Variants in ARHGEF37 observed in about 807,000 individuals in gnomAD.
The protein encoded by ARHGEF37 is Rho guanine nucleotide exchange factor (GEF) 37.
Under a neutral mutation model 71.1 loss-of-function variants are expected in ARHGEF37, and 55 were observed. That is an observed-to-expected ratio of 0.77 (90% CI 0.62 to 0.97). The LOEUF (loss-of-function observed/expected upper bound fraction) is 0.97. Among genes scored for constraint, ARHGEF37 ranks in the 50% least tolerant of loss-of-function variants. ARHGEF37 has a pLI of 0.00. For missense variants in ARHGEF37, 765 were observed against 836.8 expected (o/e 0.91, Z 1.06); for synonymous variants, 327 against 350.6 (o/e 0.93, Z 0.75).
chr5:149,582,803 A>T (rs924923985), intron 1 of ARHGEF37, among the ~76,000 whole-genome samples: 2 of 149,546 alleles, frequency 1.3e-5, no homozygotes, highest in African/African-American at 2.5e-5. Context: ...TTAATTAATT[A>T]AAAAAAAAAG....
intron 3 of ARHGEF37, among the ~76,000 whole-genome samples, chr5:149,601,501 A>T (rs1458641134): frequency 6.6e-6 from 1 of 152,226 alleles, no homozygotes; most frequent in Admixed American, 6.5e-5. Context: ...CTAAATCTTT[A>T]GTCTGTGTCT....
intron 11 of ARHGEF37, among the ~76,000 whole-genome samples, chr5:149,628,208 G>C (rs958235544): frequency 6.6e-6 from 1 of 152,202 alleles, no homozygotes; most frequent in African/African-American, 2.4e-5. Flanking sequence ...GGAAGTCATG[G>C]AGCCAGTCTG....
intron 1 of ARHGEF37, among the ~76,000 whole-genome samples, chr5:149,574,391 G>A (rs1240940673): frequency 6.6e-6 from 1 of 152,176 alleles, no homozygotes; most frequent in Non-Finnish European, 1.5e-5. Flanking sequence ...CACAGAAGCT[G>A]GAGGATATTG....
At position 149,601,144 on chromosome 5, in the gene ARHGEF37, A is replaced by G. The variant is rs777101924; in HGVS notation, c.223A>G (p.Ile75Val). Reference sequence around the variant, plus strand: ...AGATCTGGATGTCCTGTTCTCAAACATTGATGATATCATCAAAGTGAACAG... The same window carrying G: ...AGATCTGGATGTCCTGTTCTCAAACGTTGATGATATCATCAAAGTGAACAG... ...QGDLDVLFSN[I>V]DDIIKVNSRF... The change falls in exon 3 of 13, where the codon ATT becomes GTT. Residue 75 changes from isoleucine to valine, a missense_variant. Coordinates refer to ENST00000333677, the MANE Select transcript of ARHGEF37 (RefSeq NM_001001669.3). 6.2e-6 allele frequency: 10 copies of G among 1,612,898 alleles called. No homozygotes were observed. The highest frequency in any genetic ancestry group is 2.7e-5 in the African/African-American group (2 of 74,888).
intron 1 of ARHGEF37, among the ~76,000 whole-genome samples, chr5:149,566,261 C>T (rs1762897579): frequency 6.6e-6 from 1 of 151,906 alleles, no homozygotes; most frequent in Admixed American, 6.6e-5. Context: ...CTTTGGGAGG[C>T]TGAGGTGGGT....
chr5:149,557,177 C>G (rs914399127), intron 1 of ARHGEF37, among the ~76,000 whole-genome samples: 5 of 152,102 alleles, frequency 3.3e-5, no homozygotes, highest in Admixed American at 3.3e-4. Flanking sequence ...ATAGGGACTT[C>G]GAACAGAAGC....
At position 149,565,829 on chromosome 5, in the gene ARHGEF37, A is replaced by ATTTTTTTTTTTTTTTTTTTTTTTTT. The variant is rs201683478; in HGVS notation, c.-12+13717_-12+13741dup. On this transcript the variant is annotated intron_variant, in intron 1 of 2. Coordinates refer to the ARHGEF37 transcript ENST00000505810. Reference sequence around the variant, plus strand: ...TAGCTTTGTAATGTCAGAAACTCTAATTTTTTTTTTTTTTTTTTTTTTTTT... The same window carrying ATTTTTTTTTTTTTTTTTTTTTTTTT: ...TAGCTTTGTAATGTCAGAAACTCTAATTTTTTTTTTTTTTTTTTTTTTTTTTTTTTTTTTTTTTTTTTTTTTTTTT... Among the ~76,000 whole-genome samples, 7 of 84,580 alleles carry ATTTTTTTTTTTTTTTTTTTTTTTTT rather than the reference A, an allele frequency of 8.3e-5. 2 individuals are homozygous for ATTTTTTTTTTTTTTTTTTTTTTTTT. Among genetic ancestry groups the ATTTTTTTTTTTTTTTTTTTTTTTTT allele is most frequent in the South Asian group, 5.8e-4 (1 of 1,724 alleles). 55.5% of individuals were successfully genotyped at this position (84,580 alleles called of 152,430 possible). A position where few individuals can be genotyped will look rare whatever the true frequency, so the allele number is the denominator to read the frequency against.
chr5:149,615,391 CT>C (rs1380854413), intron 4 of ARHGEF37, among the ~76,000 whole-genome samples: 4 of 150,738 alleles, frequency 2.7e-5, no homozygotes, highest in South Asian at 2.1e-4. Context: ...TTTTTTTTAA[CT>C]TTTTTTCATA....
chr5:149,577,321 A>G (rs2113255007), upstream of ARHGEF37, among the ~76,000 whole-genome samples: 1 of 152,264 alleles, frequency 6.6e-6, no homozygotes, highest in Non-Finnish European at 1.5e-5. Context: ...TAGATTTCAC[A>G]AAGTAGAATA....
At chr5:149,629,662 A>T (rs1253691266) in intron 12 of ARHGEF37, among the ~76,000 whole-genome samples, 1 of 152,224 alleles carries the variant, frequency 6.6e-6, no homozygotes, top group Middle Eastern at 3.2e-3. Flanking sequence ...GTGGGCAGGG[A>T]CAGGCCAGCA....
exon 1 of ARHGEF37, chr5:149,551,998 A>G (rs998638341): frequency 2.0e-5 from 3 of 152,118 alleles, no homozygotes; most frequent in Non-Finnish European, 4.4e-5. Context: ...TGTCCTATCT[A>G]CTACGGAGTG....
At chr5:149,577,247 T>C (rs947314239), upstream of ARHGEF37, among the ~76,000 whole-genome samples, 3 of 152,200 alleles carry the variant, frequency 2.0e-5, no homozygotes, top group African/African-American at 7.2e-5. Context: ...TATGAAACAT[T>C]ACTGACATGT....
chr5:149,603,082 G>A (rs895701926), intron 3 of ARHGEF37, among the ~76,000 whole-genome samples: 25 of 151,786 alleles, frequency 1.6e-4, no homozygotes, highest in African/African-American at 4.1e-4. Context: ...ACAGGCGCCC[G>A]CCACCACACC....
intron 1 of ARHGEF37, among the ~76,000 whole-genome samples, chr5:149,589,619 C>T (rs370791076): frequency 1.3e-5 from 2 of 152,126 alleles, no homozygotes; most frequent in African/African-American, 2.4e-5. Context: ...CCTGCTTCAG[C>T]CCCCCGAGTA....
At chr5:149,623,855 C>G (rs1003604246) in intron 9 of ARHGEF37, among the ~76,000 whole-genome samples, 157 bp from the exon 10 acceptor site, 1 of 152,196 alleles carries the variant, frequency 6.6e-6, no homozygotes, top group Non-Finnish European at 1.5e-5. Flanking sequence ...CCTAGGTTGT[C>G]TGACGAAAAT....
At chr5:149,610,166 G>T (rs945208600) in intron 4 of ARHGEF37, among the ~76,000 whole-genome samples, 3 of 152,208 alleles carry the variant, frequency 2.0e-5, no homozygotes, top group Non-Finnish European at 4.4e-5. Context: ...ACATGTCCAG[G>T]GTTGGAGAAG....
At chr5:149,580,815 T>C (rs1304230985), upstream of ARHGEF37, among the ~76,000 whole-genome samples, 1 of 152,240 alleles carries the variant, frequency 6.6e-6, no homozygotes, top group East Asian at 1.9e-4. Context: ...AGTCCATTCC[T>C]GACGCTACAA....
chr5:149,624,261 A>G, intron 10 of ARHGEF37, 121 bp downstream of exon 10: 1 of 1,338,808 alleles, frequency 7.5e-7, no homozygotes, highest in Non-Finnish European at 1.0e-6. Context: ...TTATCCATGG[A>G]AATATGTTCT....
intron 1 of ARHGEF37, among the ~76,000 whole-genome samples, chr5:149,573,033 G>T (rs1194920424): frequency 6.6e-6 from 1 of 152,174 alleles, no homozygotes; most frequent in African/African-American, 2.4e-5. Flanking sequence ...TGGCAGAAAA[G>T]GTCAAAGCGG....
Sources: gnomAD v4.1 joint callset for allele counts (sites outside exome capture counted in the v4.1 genomes callset) on GRCh38, gnomAD v4.1.1 for gene constraint, MANE v1.5 for transcripts, NCBI Gene and HGNC (gene_info 2026-07-23, HGNC 2026-07-21) for gene names.